FBXL17: variants seen among roughly 807,000 people sequenced by gnomAD.
FBXL17 encodes the protein F-box and leucine rich repeat protein 17, also known as F-box/LRR-repeat protein 17.
In FBXL17, 22 loss-of-function variants were observed where a neutral mutation model predicts 66.2. The ratio of observed to expected loss-of-function variants is 0.33; its 90% CI spans 0.24 to 0.47. The LOEUF is 0.47. FBXL17 is among the 20% of genes least tolerant of loss of function. The probability of loss-of-function intolerance (pLI) is 1.00; values close to 1 mark genes in which losing one functional copy is unlikely to be tolerated. For synonymous variants in FBXL17, 474 were observed against 400.5 expected (o/e 1.18, Z -2.19); for missense variants, 878 against 948.2 (o/e 0.93, Z 0.97).
At chr5:108,127,415 C>T (rs749045139) in intron 6 of FBXL17, among the ~76,000 whole-genome samples, 144 of 152,260 alleles carry the variant, frequency 9.5e-4, no homozygotes, top group Non-Finnish European at 1.7e-3. Flanking sequence ...ATTTTTTATT[C>T]CCTTTATGAA....
At chr5:108,366,585 G>C (rs761706496) in intron 2 of FBXL17, among the ~76,000 whole-genome samples, 22 of 151,858 alleles carry the variant, frequency 1.4e-4, no homozygotes, top group Non-Finnish European at 2.9e-4. Context: ...GGGTTTGGGT[G>C]GGGGAGGAAG....
chr5:108,164,303 A>G (rs1752329492), intron 6 of FBXL17, among the ~76,000 whole-genome samples: 1 of 152,196 alleles, frequency 6.6e-6, no homozygotes, highest in Admixed American at 6.5e-5. Context: ...TTCCTGTTAG[A>G]ATAAAAAACA....
intron 6 of FBXL17, among the ~76,000 whole-genome samples, chr5:108,172,490 TATCTTC>T (rs1400140312): frequency 3.3e-5 from 5 of 152,252 alleles, no homozygotes; most frequent in Non-Finnish European, 7.3e-5. Context: ...TGACATCTTC[TATCTTC>T]TACAAAATAG....
chr5:108,188,076 T>G (rs547560503), intron 5 of FBXL17, among the ~76,000 whole-genome samples: 1 of 152,212 alleles, frequency 6.6e-6, no homozygotes, highest in Non-Finnish European at 1.5e-5. Context: ...TATATCTGCA[T>G]GTGGCTAACA....
chr5:108,189,002 T>C (rs528378257), intron 5 of FBXL17, among the ~76,000 whole-genome samples: 10 of 152,324 alleles, frequency 6.6e-5, no homozygotes, highest in African/African-American at 2.4e-4. Flanking sequence ...CTTTCCAATA[T>C]GTGATCTGCA....
chr5:107,921,659 G>A (rs1002278309), intron 7 of FBXL17, among the ~76,000 whole-genome samples: 4 of 152,130 alleles, frequency 2.6e-5, no homozygotes, highest in African/African-American at 9.7e-5. Context: ...GATGGCTGCT[G>A]GAAACCAGGA....
At chr5:108,236,959 G>C (rs1027707649) in intron 4 of FBXL17, among the ~76,000 whole-genome samples, 5 of 152,090 alleles carry the variant, frequency 3.3e-5, no homozygotes, top group Admixed American at 2.0e-4. Context: ...ATATAGATTC[G>C]GGTTAGGAGT....
At chr5:107,953,402 C>CAAAAAAA (rs1166788701) in intron 7 of FBXL17, among the ~76,000 whole-genome samples, 2 of 50,616 alleles carry the variant, frequency 4.0e-5, no homozygotes, top group Non-Finnish European at 7.8e-5. Flanking sequence ...GACTCTCTCT[C>CAAAAAAA]AAAAAAAAAA....
chr5:108,303,458 A>G (rs1460569723), intron 4 of FBXL17, among the ~76,000 whole-genome samples: 1 of 151,730 alleles, frequency 6.6e-6, no homozygotes, highest in East Asian at 1.9e-4. Context: ...CCAATTTAAG[A>G]CTACAGGCAA....
chr5:108,219,727 T>C (rs767011144), intron 5 of FBXL17, among the ~76,000 whole-genome samples: 1 of 151,984 alleles, frequency 6.6e-6, no homozygotes, highest in Non-Finnish European at 1.5e-5. Context: ...ATAATAACCT[T>C]GTTATCCTTT....
At chr5:108,369,058 G>A (rs1172251668) in intron 1 of FBXL17, among the ~76,000 whole-genome samples, 3 of 152,110 alleles carry the variant, frequency 2.0e-5, no homozygotes, top group Non-Finnish European at 2.9e-5. Flanking sequence ...TCACAGATAT[G>A]GGACAAATGA....
intron 6 of FBXL17, among the ~76,000 whole-genome samples, chr5:108,153,118 T>G (rs1263509303): frequency 6.6e-6 from 1 of 152,174 alleles, no homozygotes; most frequent in African/African-American, 2.4e-5. Context: ...TCACCATGAT[T>G]GTGAGGCCTC....
intron 4 of FBXL17, among the ~76,000 whole-genome samples, chr5:108,232,794 T>TATATATATATATATATATATATATATAAA (rs1294290778): frequency 8.0e-5 from 10 of 124,842 alleles, no homozygotes; most frequent in African/African-American, 3.2e-4. Flanking sequence ...TATATATATA[T>TATATATATATATATATATATATATATAAA]ATATATATAT....
At chr5:108,181,324 A>G (rs946441333) in intron 6 of FBXL17, among the ~76,000 whole-genome samples, 4 of 152,222 alleles carry the variant, frequency 2.6e-5, no homozygotes, top group Non-Finnish European at 5.9e-5. Context: ...TCCTCTTTTC[A>G]TAAAACACTT....
chr5:108,272,649 C>T (rs1034965410), intron 4 of FBXL17, among the ~76,000 whole-genome samples: 5 of 152,066 alleles, frequency 3.3e-5, no homozygotes, highest in African/African-American at 1.2e-4. Flanking sequence ...CTACCACACC[C>T]GGCCATTAGC....
At chr5:108,299,317 T>C in intron 4 of FBXL17, 1 of 984,742 alleles carries the variant, frequency 1.0e-6, no homozygotes, top group Non-Finnish European at 1.2e-6. Context: ...CCCACCCATC[T>C]CCCTACCTCA....
At chr5:108,195,675 G>A (rs1753651368) in intron 5 of FBXL17, among the ~76,000 whole-genome samples, 1 of 152,186 alleles carries the variant, frequency 6.6e-6, no homozygotes, top group South Asian at 2.1e-4. Flanking sequence ...AAGGGTGGAA[G>A]CAGACAGAAG....
intron 4 of FBXL17, among the ~76,000 whole-genome samples, chr5:108,321,477 T>A (rs1188155797): frequency 6.6e-6 from 1 of 151,884 alleles, no homozygotes; most frequent in African/African-American, 2.4e-5. Context: ...AAATGGCCAC[T>A]GATTTATAGA....
intron 4 of FBXL17, among the ~76,000 whole-genome samples, chr5:108,267,248 C>T (rs1757080926): frequency 2.0e-5 from 3 of 151,968 alleles, no homozygotes; most frequent in African/African-American, 7.2e-5. Context: ...AAAACTAATG[C>T]TATTATCAAA....
Sources: gnomAD v4.1 joint callset for allele counts (sites outside exome capture counted in the v4.1 genomes callset) on GRCh38, gnomAD v4.1.1 for gene constraint, MANE v1.5 for transcripts, NCBI Gene and HGNC (gene_info 2026-07-23, HGNC 2026-07-21) for gene names.